Variants in DCP1A observed in about 807,000 individuals in gnomAD.
DCP1A encodes the protein decapping mRNA 1A.
A neutral mutation model predicts 58.0 loss-of-function variants in DCP1A; 20 were observed. That is an observed-to-expected ratio of 0.34 (90% CI 0.24 to 0.50). The LOEUF is 0.50. Among genes scored for constraint, DCP1A ranks in the 20% least tolerant of loss-of-function variants. The pLI is 0.98. For synonymous variants in DCP1A, 285 were observed against 275.1 expected, an observed-to-expected ratio of 1.04 and a Z score of -0.36; for missense variants, 613 against 712.2, an observed-to-expected ratio of 0.86 and a Z score of 1.59.
chr3:53,340,576 C>T (rs958952148), intron 3 of DCP1A, among the ~76,000 whole-genome samples: 1 of 132,574 alleles, frequency 7.5e-6, no homozygotes, highest in Non-Finnish European at 1.6e-5. Flanking sequence ...AGACCAATTA[C>T]CCCCCCGCCA....
At chr3:53,345,180 T>C (rs879947919) in intron 1 of DCP1A, among the ~76,000 whole-genome samples, 12 of 152,212 alleles carry the variant, frequency 7.9e-5, no homozygotes, top group Non-Finnish European at 1.6e-4. Flanking sequence ...CATATCTGTA[T>C]CTGCAGTATT....
intron 3 of DCP1A, among the ~76,000 whole-genome samples, chr3:53,326,225 C>T (rs1312168802): frequency 6.6e-6 from 1 of 152,198 alleles, no homozygotes; most frequent in Non-Finnish European, 1.5e-5. Flanking sequence ...AGAATTTAGA[C>T]ACATGAAATG....
chr3:53,344,583 C>G (rs1460658940), intron 2 of DCP1A, among the ~76,000 whole-genome samples: 5 of 152,100 alleles, frequency 3.3e-5, no homozygotes, highest in Non-Finnish European at 7.4e-5. Context: ...TTGTCTTTTC[C>G]CCAAATATAT....
At chr3:53,318,637 C>T (rs1299381671) in intron 4 of DCP1A, among the ~76,000 whole-genome samples, 2 of 152,214 alleles carry the variant, frequency 1.3e-5, no homozygotes, top group Non-Finnish European at 2.9e-5. Flanking sequence ...GGATAGGTCA[C>T]ACAAGGGCTG....
At chr3:53,298,851 T>A (rs530496271) in intron 6 of DCP1A, among the ~76,000 whole-genome samples, 1 of 152,342 alleles carries the variant, frequency 6.6e-6, no homozygotes, top group African/African-American at 2.4e-5. Flanking sequence ...CCCATAAGAA[T>A]ATAATATTGT....
At chr3:53,312,409 G>A in intron 4 of DCP1A, 30 bp from the exon 5 acceptor site, 3 of 1,523,998 alleles carry the variant, frequency 2.0e-6, no homozygotes, top group Non-Finnish European at 2.6e-6. Context: ...TTTTAGAAAG[G>A]CCTCTTGAAA....
At chr3:53,340,168 G>A (rs782384888) in intron 3 of DCP1A, among the ~76,000 whole-genome samples, 1 of 152,150 alleles carries the variant, frequency 6.6e-6, no homozygotes, top group Non-Finnish European at 1.5e-5. Context: ...CAAGCAATCT[G>A]CTTGCCTCGG....
At chr3:53,315,054 G>A (rs971624253) in intron 4 of DCP1A, among the ~76,000 whole-genome samples, 9 of 152,098 alleles carry the variant, frequency 5.9e-5, no homozygotes, top group African/African-American at 1.9e-4. Flanking sequence ...TCACATAAAC[G>A]AGGCTTGGAC....
rs1706633513 is a variant in DCP1A at position 53,286,361 on chromosome 3, T to C, written c.*1219A>G. 6.6e-6 allele frequency: 1 copy of C among 152,074 alleles called. No homozygotes were observed. The highest frequency in any genetic ancestry group is 6.5e-5 in the Admixed American group (1 of 15,282). The allele number at this position is 152,074 out of a possible 1,614,324, so 9.4% of individuals were successfully genotyped here. A position where few individuals can be genotyped will look rare whatever the true frequency, so the allele number is the denominator to read the frequency against. On this transcript the variant is annotated 3_prime_UTR_variant, in exon 10 of 10. Transcript: ENST00000610213. ...CCTGTATCATAGAAACGAAGACACT[T>C]TCATTCAAAGAATATCTTAAAATTA...
At chr3:53,290,712 C>T (rs1706826440) in intron 8 of DCP1A, 79 bp downstream of exon 8, 1 of 1,086,242 alleles carries the variant, frequency 9.2e-7, no homozygotes. Context: ...CCTTGTTCTA[C>T]TCTTTCTACT....
chr3:53,311,182 G>A (rs4585185), intron 5 of DCP1A, among the ~76,000 whole-genome samples: 29 of 152,308 alleles, frequency 1.9e-4, no homozygotes, highest in Non-Finnish European at 3.4e-4. Context: ...TATTATAGCA[G>A]AACTGTATGG....
At chr3:53,293,425 C>G (rs1010201085) in intron 6 of DCP1A, among the ~76,000 whole-genome samples, 2 of 152,252 alleles carry the variant, frequency 1.3e-5, no homozygotes, top group East Asian at 3.9e-4. Context: ...GAAAAACATT[C>G]GTGTTTTCCT....
At chr3:53,341,928 C>T (rs561013484) in intron 3 of DCP1A, among the ~76,000 whole-genome samples, 5 of 152,120 alleles carry the variant, frequency 3.3e-5, no homozygotes, top group Admixed American at 6.5e-5. Context: ...CTGCCCTCCT[C>T]GGCCTCCCAA....
At chr3:53,287,848 T>C (rs1374875254) in intron 9 of DCP1A, among the ~76,000 whole-genome samples, 188 bp from the exon 10 acceptor site, 1 of 151,608 alleles carries the variant, frequency 6.6e-6, no homozygotes, top group Non-Finnish European at 1.5e-5. Context: ...ACTGTATGCT[T>C]AAAAAAAGAG....
In DCP1A at chr3:53,347,498, G is replaced by A. The variant is rs1553693321; in HGVS notation, c.20C>T (p.Ala7Val). 6.2e-7 allele frequency: 1 copy of A among 1,612,376 alleles called. No individual in the cohort carries two copies. The highest frequency in any genetic ancestry group is 1.3e-5 in the African/African-American group (1 of 74,958). Reference sequence around the variant, plus strand: ...GGCCGCTAGGCTCATCTCCTGCCCAGCTCGACTCAGCGCCTCCATCTTGAA... The same window carrying A: ...GGCCGCTAGGCTCATCTCCTGCCCAACTCGACTCAGCGCCTCCATCTTGAA... MEALSR[A>V]GQEMSLAALK... Residue 7 changes from alanine (A) to valine (V), a missense_variant, in exon 1 of 10, where the codon GCT (alanine) becomes GTT (valine). Around this residue, in one of 3 missense-constraint regions of DCP1A, gnomAD observed 50 missense variants for 37.0 expected, o/e 1.35. Transcript: ENST00000610213.
intron 5 of DCP1A, among the ~76,000 whole-genome samples, chr3:53,308,993 C>CA (rs1408113513): frequency 1.4e-4 from 22 of 152,260 alleles, no homozygotes; most frequent in African/African-American, 5.3e-4. Flanking sequence ...ACCCCCCTGA[C>CA]CAAAATCCAG....
chr3:53,330,585 T>C (rs2088974801), intron 3 of DCP1A, among the ~76,000 whole-genome samples: 1 of 151,724 alleles, frequency 6.6e-6, no homozygotes, highest in African/African-American at 2.4e-5. Flanking sequence ...TAGAAAGTTC[T>C]AACGCAGTTT....
At chr3:53,345,015 A>G (rs1329344642) in intron 1 of DCP1A, 73 bp from the exon 2 acceptor site, 1 of 1,139,348 alleles carries the variant, frequency 8.8e-7, no homozygotes, top group Non-Finnish European at 1.3e-6. Context: ...TGGAGAAGTA[A>G]TGCTTCACGT....
chr3:53,322,388 T>C (rs1403105893), intron 3 of DCP1A, among the ~76,000 whole-genome samples: 1 of 151,480 alleles, frequency 6.6e-6, no homozygotes, highest in African/African-American at 2.4e-5. Context: ...GAGGTGGAGG[T>C]TGCAGTGAGC....
Sources: gnomAD v4.1 joint callset for allele counts (sites outside exome capture counted in the v4.1 genomes callset) on GRCh38, gnomAD v4.1.1 for gene constraint, gnomAD v4.1.1 regional missense constraint, MANE v1.5 for transcripts, NCBI Gene and HGNC (gene_info 2026-07-23, HGNC 2026-07-21) for gene names.